INPP5B: variants seen among roughly 807,000 people sequenced by gnomAD.
The protein encoded by INPP5B is inositol polyphosphate-5-phosphatase B.
A neutral mutation model predicts 118.5 loss-of-function variants in INPP5B; 90 were observed. The observed-to-expected ratio is 0.76, with a 90% CI of 0.64 to 0.90. INPP5B has a LOEUF of 0.90. Ranked by LOEUF, INPP5B falls within the 40% of genes least tolerant of loss-of-function variation. The pLI is 0.00. For synonymous variants in INPP5B, 385 were observed against 418.9 expected (o/e 0.92, Z 0.99); for missense variants, 984 against 1,125.6 (o/e 0.87, Z 1.80).
intron 7 of INPP5B, among the ~76,000 whole-genome samples, chr1:37,904,786 A>C (rs1236025028): frequency 6.6e-6 from 1 of 151,514 alleles, no homozygotes; most frequent in Non-Finnish European, 1.5e-5. Flanking sequence ...CTGAGGCAGG[A>C]GAATAGCTCG....
At chr1:37,870,264 C>G in intron 19 of INPP5B, among the ~76,000 whole-genome samples, 1 of 152,188 alleles carries the variant, frequency 6.6e-6, no homozygotes, top group East Asian at 1.9e-4. Context: ...TGCACACCCC[C>G]ATACCCAGCT....
chr1:37,946,190 C>T, intron 2 of INPP5B, 62 bp downstream of exon 2: 1 of 1,496,818 alleles, frequency 6.7e-7, no homozygotes, highest in Non-Finnish European at 9.2e-7. Flanking sequence ...ACCTCGACAC[C>T]TTCCATTCCT....
At position 37,934,356 on chromosome 1, in the gene INPP5B, AGTT is replaced by A. The variant is rs144171820; in HGVS notation, c.392-2306_392-2304del. Among the ~76,000 whole-genome samples, 1,297 of 152,190 alleles carry A rather than the reference AGTT, an allele frequency of 8.5e-3. 20 individuals are homozygous for A. The highest frequency in any genetic ancestry group is 0.03 in the African/African-American group (1,231 of 41,516). ...TTCAGAAGACCAAACGGAGAAATAC[AGTT>A]GTTGTGCATTGTCTCGGTATCTAGA... On this transcript the variant is annotated intron_variant, in intron 6 of 23. Transcript: ENST00000373024.
intron 6 of INPP5B, among the ~76,000 whole-genome samples, chr1:37,933,678 C>CCACCA (rs1477572054): frequency 6.6e-6 from 1 of 151,548 alleles, no homozygotes; most frequent in East Asian, 1.9e-4. Context: ...CAAGATTGCA[C>CCACCA]CACCACACCC....
At chr1:37,922,440 G>A (rs553237727) in intron 7 of INPP5B, among the ~76,000 whole-genome samples, 19 of 151,838 alleles carry the variant, frequency 1.3e-4, no homozygotes, top group African/African-American at 4.1e-4. Flanking sequence ...AGCCAGGCGC[G>A]GTGGCTCACA....
rs1424611044 is a variant in INPP5B at position 37,907,854 on chromosome 1, T to C, written c.533-16400A>G. The stretch of plus-strand genomic sequence containing the variant: ...GCCCAAGCTAAGCCATCATATCCCC[T>C]GTGACCTGCATGTATACATCCAGAT... On this transcript the variant is annotated intron_variant, in intron 7 of 23. Coordinates refer to ENST00000373024, the MANE Select transcript of INPP5B (RefSeq NM_005540.3). The surrounding 1 kb of genome is among the most constrained non-coding windows in gnomAD (Gnocchi z 4.3). Among the ~76,000 whole-genome samples the C allele has an allele frequency of 1.3e-5, 2 of 152,164 alleles. No individual in the cohort carries two copies. Among genetic ancestry groups the C allele is most frequent in the African/African-American group, 2.4e-5 (1 of 41,446 alleles).
chr1:37,908,691 G>C (rs906082744), intron 7 of INPP5B, among the ~76,000 whole-genome samples: 1 of 151,968 alleles, frequency 6.6e-6, no homozygotes, highest in Non-Finnish European at 1.5e-5. Flanking sequence ...TAATCACTGC[G>C]GAGATGCCTG....
chr1:37,905,602 C>T (rs1644477388), intron 7 of INPP5B, among the ~76,000 whole-genome samples: 1 of 152,170 alleles, frequency 6.6e-6, no homozygotes, highest in African/African-American at 2.4e-5. Flanking sequence ...AACATTTTGT[C>T]ATCCACAGAC....
chr1:37,944,430 T>TA (rs1646044064), intron 3 of INPP5B, among the ~76,000 whole-genome samples: 1 of 152,108 alleles, frequency 6.6e-6, no homozygotes, highest in African/African-American at 2.4e-5. Context: ...TTTTTTAAAT[T>TA]ATTTGAAATA....
intron 7 of INPP5B, among the ~76,000 whole-genome samples, chr1:37,896,427 G>T (rs1429965534): frequency 2.0e-5 from 3 of 150,740 alleles, no homozygotes; most frequent in Admixed American, 6.6e-5. Context: ...GAGGTGGGGG[G>T]GTCAGCCCCC....
chr1:37,946,623 G>C (rs1302736438), intron 1 of INPP5B, among the ~76,000 whole-genome samples: 3 of 152,164 alleles, frequency 2.0e-5, no homozygotes, highest in Non-Finnish European at 4.4e-5. Context: ...CTTGTTGGAA[G>C]TGGGGTACGT....
intron 6 of INPP5B, among the ~76,000 whole-genome samples, chr1:37,938,295 A>AATAAATC (rs1553162614): frequency 0.023 from 3,470 of 151,246 alleles, 60 homozygotes; most frequent in Non-Finnish European, 0.037. Flanking sequence ...ATAAATAAAT[A>AATAAATC]AATAAATAAA....
At chr1:37,946,770 T>C (rs1293097739) in intron 1 of INPP5B, among the ~76,000 whole-genome samples, 1 of 152,114 alleles carries the variant, frequency 6.6e-6, no homozygotes, top group African/African-American at 2.4e-5. Context: ...GAACATCCCC[T>C]TACTGTCATT....
rs546441570 is a variant in INPP5B, at chr1:37,874,013, C to T, written c.1931G>A (p.Ser644Asn). The T allele has an allele frequency of 1.9e-6, 3 of 1,582,262 alleles. No individual in the cohort carries two copies. In the South Asian group the frequency reaches 3.4e-5, roughly 18 times the overall value. Residue 644 changes from serine to asparagine, a missense_variant, in exon 18 of 24, where the codon AGC becomes AAC. This residue lies in a region of INPP5B where 634 missense variants were observed against 791.0 expected (regional missense o/e 0.80). Transcript: ENST00000373024. Reference protein sequence around the residue: ...YCKQWLNANPSRGFLLPDSDV... With the variant: ...YCKQWLNANPNRGFLLPDSDV... Reference sequence around the variant, plus strand: ...CTTACCTGGCAGGAGGAAGCCTCTGCTGGGGTTGGCATTCAGCCACTGCTT... The same window carrying T: ...CTTACCTGGCAGGAGGAAGCCTCTGTTGGGGTTGGCATTCAGCCACTGCTT...
rs762455642 is a variant in INPP5B at position 37,907,488 on chromosome 1, GCATTTGAAC to G, written c.533-16043_533-16035del. Reference sequence around the variant, plus strand: ...TAAAAGGGAGGGAGAAATATCAGAGGCATTTGAACCACAGTAACTCCATCTTGAATAGGG... The same window carrying G: ...TAAAAGGGAGGGAGAAATATCAGAGGCACAGTAACTCCATCTTGAATAGGG... On this transcript the variant is annotated intron_variant, in intron 7 of 23. Coordinates refer to ENST00000373024, the MANE Select transcript of INPP5B (RefSeq NM_005540.3). This position sits in a 1 kb window ranked among gnomAD's most constrained non-coding sequence, Gnocchi z 4.3. Among the ~76,000 whole-genome samples, 1 of 152,164 alleles carries G rather than the reference GCATTTGAAC, an allele frequency of 6.6e-6. No homozygotes were observed. The highest frequency in any genetic ancestry group is 1.5e-5 in the Non-Finnish European group (1 of 68,028).
intron 7 of INPP5B, among the ~76,000 whole-genome samples, chr1:37,921,256 A>C (rs1645043866): frequency 6.6e-6 from 1 of 152,224 alleles, no homozygotes; most frequent in Admixed American, 6.5e-5. Flanking sequence ...CTAAACTGTA[A>C]GACTTCAAAC....
chr1:37,870,148 C>T (rs1049584809), intron 19 of INPP5B: 1 of 151,576 alleles, frequency 6.6e-6, no homozygotes. Flanking sequence ...CTGAGTTTGT[C>T]TTCTTTTTTT....
At chr1:37,884,572 T>C (rs978143264) in intron 13 of INPP5B, among the ~76,000 whole-genome samples, 4 of 152,118 alleles carry the variant, frequency 2.6e-5, no homozygotes, top group African/African-American at 7.2e-5. Context: ...CATGAACTAC[T>C]GCACCCAGCC....
intron 7 of INPP5B, among the ~76,000 whole-genome samples, chr1:37,927,831 C>G (rs1440483734): frequency 1.3e-5 from 2 of 152,148 alleles, no homozygotes; most frequent in Middle Eastern, 3.2e-3. Context: ...GCCACTGCGC[C>G]CGGCCTCATT....
Sources: gnomAD v4.1 joint callset for allele counts (sites outside exome capture counted in the v4.1 genomes callset) on GRCh38, gnomAD v4.1.1 for gene constraint, gnomAD v4.1.1 regional missense constraint, Gnocchi (gnomAD v3.1) non-coding constraint, MANE v1.5 for transcripts, NCBI Gene and HGNC (gene_info 2026-07-23, HGNC 2026-07-21) for gene names.